Variants in DMXL2 observed in about 807,000 individuals in gnomAD.
The protein encoded by DMXL2 is dmX-like protein 2.
Under a neutral mutation model 331.1 loss-of-function variants are expected in DMXL2, and 103 were observed. The observed-to-expected ratio is 0.31, with a 90% CI of 0.27 to 0.37. The LOEUF is 0.37. Ranked by LOEUF, DMXL2 falls within the 10% of genes least tolerant of loss-of-function variation. The probability of loss-of-function intolerance (pLI) is 1.00; values close to 1 mark genes in which losing one functional copy is unlikely to be tolerated. For synonymous variants in DMXL2, 1,281 were observed against 1,252.1 expected (o/e 1.02, Z -0.49); for missense variants, 3,171 against 3,642.9 (o/e 0.87, Z 3.33).
chr15:51,486,434 T>A, intron 22 of DMXL2, 97 bp from the exon 23 acceptor site: 1 of 958,476 alleles, frequency 1.0e-6, no homozygotes, highest in Non-Finnish European at 1.5e-6. Context: ...ACCATTTATA[T>A]CCTAATGGTG....
intron 15 of DMXL2, among the ~76,000 whole-genome samples, chr15:51,511,326 G>A (rs1027138414): frequency 6.6e-6 from 1 of 151,974 alleles, no homozygotes; most frequent in Admixed American, 6.6e-5. Flanking sequence ...GAATCTATAA[G>A]GAACTTAAAC....
At chr15:51,617,012 A>G (rs577247231) in intron 1 of DMXL2, among the ~76,000 whole-genome samples, 28 of 150,650 alleles carry the variant, frequency 1.9e-4, no homozygotes, top group Non-Finnish European at 3.8e-4. Flanking sequence ...ATTCTATATT[A>G]TATCCCATTT....
chr15:51,507,174 A>C lies in DMXL2; in HGVS notation c.2724T>G (p.His908Gln), dbSNP rs776071115. ...CAGATTTAAGATGAAGGTGCCACAT[A>C]TGCAGAATAGAGTTATTATTGCTGT... ...EKDSNNNSIL[H>Q]MWHLHLKSVQ... The change falls in exon 16 of 44, where the codon CAT (histidine) becomes CAG (glutamine). Residue 908 changes from histidine (H) to glutamine (Q), a missense_variant. Around this residue, in one of 7 missense-constraint regions of DMXL2, gnomAD observed 1,674 missense variants for 1,780.2 expected, o/e 0.94. Coordinates refer to ENST00000560891, the MANE Select transcript of DMXL2 (RefSeq NM_001378457.1). 2 of 1,611,290 alleles carry C rather than the reference A, an allele frequency of 1.2e-6. No homozygotes were observed. Among genetic ancestry groups the C allele is most frequent in the Non-Finnish European group, 1.7e-6 (2 of 1,178,494 alleles).
intron 13 of DMXL2, among the ~76,000 whole-genome samples, chr15:51,521,431 A>AGTAGTAGTAGTT (rs1330692510): frequency 3.6e-4 from 53 of 148,438 alleles, no homozygotes; most frequent in African/African-American, 1.3e-3. Context: ...TAGTAGTAGT[A>AGTAGTAGTAGTT]GTAGTAGTAG....
chr15:51,467,840 C>T (rs927288097), intron 29 of DMXL2, among the ~76,000 whole-genome samples: 10 of 151,964 alleles, frequency 6.6e-5, no homozygotes, highest in Admixed American at 5.9e-4. Flanking sequence ...CATTCTCCTG[C>T]CTCAGCCTCC....
chr15:51,516,337 A>G (rs2047035402), intron 14 of DMXL2, among the ~76,000 whole-genome samples: 1 of 152,192 alleles, frequency 6.6e-6, no homozygotes, highest in African/African-American at 2.4e-5. Context: ...GAGGAATACT[A>G]CACAAAGGAC....
chr15:51,500,886 G>A (rs1345553933), intron 17 of DMXL2, among the ~76,000 whole-genome samples: 1 of 152,158 alleles, frequency 6.6e-6, no homozygotes, highest in East Asian at 1.9e-4. Context: ...AAAGATCTGA[G>A]GTCAGAAGAT....
chr15:51,506,810 T>A (rs1394036280), intron 16 of DMXL2, among the ~76,000 whole-genome samples: 1 of 152,214 alleles, frequency 6.6e-6, no homozygotes, highest in African/African-American at 2.4e-5. Flanking sequence ...TGGATGGGAA[T>A]GTGTATTAAC....
intron 1 of DMXL2, among the ~76,000 whole-genome samples, chr15:51,579,136 C>T (rs1484596968): frequency 6.6e-6 from 1 of 152,118 alleles, no homozygotes; most frequent in Non-Finnish European, 1.5e-5. Context: ...AGTTTAAAGA[C>T]CACTGGTTTA....
Position 51,476,693 on chromosome 15 carries a change from G to A in DMXL2, c.6860C>T (p.Thr2287Ile). ...AAGAAGTCCTTGATAAGCCATTCCTGTAAACTGATTTCCTTCTGTTTGACT... is the reference window on the plus strand; with the variant it reads ...AAGAAGTCCTTGATAAGCCATTCCTATAAACTGATTTCCTTCTGTTTGACT... ...YSSQTEGNQF[T>I]GMAYQGLLLS... Residue 2287 changes from threonine to isoleucine, a missense_variant, in exon 27 of 44, where the codon ACA becomes ATA. This residue lies in a region of DMXL2 where 766 missense variants were observed against 940.5 expected (regional missense o/e 0.81). Coordinates refer to ENST00000560891, the MANE Select transcript of DMXL2 (RefSeq NM_001378457.1). The A allele has an allele frequency of 6.2e-7, 1 of 1,605,012 alleles. No individual in the cohort carries two copies.
At chr15:51,556,200 G>A (rs2049561480) in intron 6 of DMXL2, among the ~76,000 whole-genome samples, 1 of 151,864 alleles carries the variant, frequency 6.6e-6, no homozygotes, top group South Asian at 2.1e-4. Flanking sequence ...AAAATTAGCT[G>A]GGCGTGGTGG....
intron 1 of DMXL2, among the ~76,000 whole-genome samples, chr15:51,604,081 G>T (rs933076961): frequency 6.6e-6 from 1 of 151,844 alleles, no homozygotes; most frequent in Admixed American, 6.6e-5. Flanking sequence ...GCTTATACTG[G>T]TACTACAAGA....
At chr15:51,542,072 C>T (rs1049166618) in intron 9 of DMXL2, among the ~76,000 whole-genome samples, 1 of 152,144 alleles carries the variant, frequency 6.6e-6, no homozygotes, top group African/African-American at 2.4e-5. Flanking sequence ...TCAATCACAG[C>T]TCTAATTTAC....
chr15:51,492,182 G>C (rs1227851298), intron 19 of DMXL2, among the ~76,000 whole-genome samples: 1 of 152,218 alleles, frequency 6.6e-6, no homozygotes, highest in Non-Finnish European at 1.5e-5. Flanking sequence ...CCGCCCAAGA[G>C]GACACAAGGT....
chr15:51,573,807 C>G (rs537973482), intron 2 of DMXL2, among the ~76,000 whole-genome samples: 1 of 152,024 alleles, frequency 6.6e-6, no homozygotes, highest in East Asian at 1.9e-4. Flanking sequence ...CAAACCTACA[C>G]GTTCTGCACG....
At chr15:51,486,011 T>C (rs907952124) in intron 23 of DMXL2, 62 bp downstream of exon 23, 1 of 1,463,832 alleles carries the variant, frequency 6.8e-7, no homozygotes, top group Non-Finnish European at 9.1e-7. Context: ...TAAGTGAACA[T>C]TAGTTCAGAA....
chr15:51,470,298 C>G (rs929320900), intron 29 of DMXL2, among the ~76,000 whole-genome samples: 1 of 152,044 alleles, frequency 6.6e-6, no homozygotes, highest in African/African-American at 2.4e-5. Context: ...ACTGCACCTA[C>G]GTTTTAAAAT....
chr15:51,511,038 T>C (rs1303439764), intron 15 of DMXL2, among the ~76,000 whole-genome samples: 1 of 152,076 alleles, frequency 6.6e-6, no homozygotes, highest in Non-Finnish European at 1.5e-5. Flanking sequence ...ATACAAAAAT[T>C]AACTCAAGAG....
intron 1 of DMXL2, among the ~76,000 whole-genome samples, chr15:51,595,425 T>C (rs1024218045): frequency 3.9e-5 from 6 of 152,196 alleles, no homozygotes; most frequent in South Asian, 2.1e-4. Context: ...TAAAAGAGGA[T>C]ACAAATAAAT....
Sources: gnomAD v4.1 joint callset for allele counts (sites outside exome capture counted in the v4.1 genomes callset) on GRCh38, gnomAD v4.1.1 for gene constraint, gnomAD v4.1.1 regional missense constraint, MANE v1.5 for transcripts, NCBI Gene and HGNC (gene_info 2026-07-23, HGNC 2026-07-21) for gene names.